The following TRIM67 variants were observed in gnomAD, a reference collection of about 807,000 sequenced individuals.
TRIM67 encodes the protein tripartite motif containing 67, also known as tripartite motif-containing protein 67.
TRIM67 carries 39 observed loss-of-function variants against 71.0 expected under a neutral mutation model. The ratio of observed to expected loss-of-function variants is 0.55; its 90% CI spans 0.43 to 0.72. The LOEUF (loss-of-function observed/expected upper bound fraction) is 0.72. TRIM67 is among the 30% of genes least tolerant of loss of function. TRIM67 has a pLI of 0.00. For missense variants in TRIM67, 973 were observed against 1,079.2 expected, an observed-to-expected ratio of 0.90 and a Z score of 1.38; for synonymous variants, 481 against 473.9, an observed-to-expected ratio of 1.01 and a Z score of -0.19.
At chr1:231,177,607 G>A (rs1291359492) in intron 1 of TRIM67, among the ~76,000 whole-genome samples, 1 of 152,182 alleles carries the variant, frequency 6.6e-6, no homozygotes, top group Non-Finnish European at 1.5e-5. Flanking sequence ...CCTGCCAAAT[G>A]GGATATTCTT....
Position 231,217,618 on chromosome 1 carries a change from C to G in TRIM67, c.*2178C>G. 1 of 1,122,106 alleles carries G rather than the reference C, an allele frequency of 8.9e-7. No homozygotes were observed. 69.5% of individuals were successfully genotyped at this position (1,122,106 alleles called of 1,614,324 possible). On this transcript the variant is annotated 3_prime_UTR_variant, in exon 10 of 10. Coordinates refer to ENST00000366653, the MANE Select transcript of TRIM67 (RefSeq NM_001004342.5). Reference sequence around the variant, plus strand: ...AAAAAACAGGCCTACACCCTGCCCCCAGAATGAGAGTGGGCTAGGCAGGGC... The same window carrying G: ...AAAAAACAGGCCTACACCCTGCCCCGAGAATGAGAGTGGGCTAGGCAGGGC...
Position 231,164,020 on chromosome 1 carries a change from C to T in TRIM67, c.1044+7C>T. 1 of 1,502,910 alleles carries T rather than the reference C, an allele frequency of 6.7e-7. No individual in the cohort carries two copies. Among genetic ancestry groups the T allele is most frequent in the African/African-American group, 1.4e-5 (1 of 71,428 alleles). 93.1% of individuals were successfully genotyped at this position (1,502,910 alleles called of 1,614,324 possible). The stretch of plus-strand genomic sequence containing the variant: ...CATGTGGAAGCAGCACAAGGTGAGC[C>T]CGCGGGACGCGGGAGTGCAGGTGCC... On this transcript the variant is annotated splice_region_variant and intron_variant, in intron 1 of 9. Coordinates refer to ENST00000366653, the MANE Select transcript of TRIM67 (RefSeq NM_001004342.5).
chr1:231,192,531 T>A (rs1683258384), intron 1 of TRIM67, among the ~76,000 whole-genome samples: 1 of 152,234 alleles, frequency 6.6e-6, no homozygotes, highest in Non-Finnish European at 1.5e-5. Context: ...AAACCTTTGC[T>A]CTTTTTCCAC....
At chr1:231,166,968 GGTT>G (rs1374446883) in intron 1 of TRIM67, among the ~76,000 whole-genome samples, 2 of 152,022 alleles carry the variant, frequency 1.3e-5, no homozygotes, top group Non-Finnish European at 2.9e-5. Flanking sequence ...TGGAGAAAAG[GGTT>G]ACTGTGTACC....
intron 1 of TRIM67, among the ~76,000 whole-genome samples, chr1:231,192,067 G>T (rs185305024): frequency 1.3e-5 from 2 of 152,098 alleles, no homozygotes; most frequent in Non-Finnish European, 2.9e-5. Context: ...CCAGTGCTTC[G>T]GGAGGCTGAG....
chr1:231,168,420 T>G (rs1457862594), intron 1 of TRIM67, among the ~76,000 whole-genome samples: 1 of 152,268 alleles, frequency 6.6e-6, no homozygotes, highest in Non-Finnish European at 1.5e-5. Flanking sequence ...CCTACACTTT[T>G]AATTATCTCC....
chr1:231,194,923 T>A (rs1415492337), intron 1 of TRIM67, among the ~76,000 whole-genome samples: 1 of 151,370 alleles, frequency 6.6e-6, no homozygotes, highest in African/African-American at 2.4e-5. Context: ...GGCAGGGAGG[T>A]CTCTCTATGT....
chr1:231,179,764 A>C (rs1170246345), intron 1 of TRIM67, among the ~76,000 whole-genome samples: 1 of 152,238 alleles, frequency 6.6e-6, no homozygotes, highest in Non-Finnish European at 1.5e-5. Flanking sequence ...TACTCTGTGA[A>C]CATATTCAGC....
At chr1:231,214,778 CAAAAAAAAAAAA>C (rs748778482) in intron 9 of TRIM67, among the ~76,000 whole-genome samples, 4 of 43,930 alleles carry the variant, frequency 9.1e-5, no homozygotes, top group South Asian at 7.8e-4. Flanking sequence ...GACTTCATCT[CAAAAAAAAAAAA>C]AAAAAAAAAA....
At chr1:231,190,392 G>C (rs1488328861) in intron 1 of TRIM67, among the ~76,000 whole-genome samples, 2 of 152,150 alleles carry the variant, frequency 1.3e-5, no homozygotes, top group Non-Finnish European at 2.9e-5. Context: ...GGAGCTGCAG[G>C]GACAGGAGCT....
Position 231,213,890 on chromosome 1 carries a change from C to T in TRIM67, c.2199C>T (p.Phe733=), listed in dbSNP as rs375268373. The T allele has an allele frequency of 2.5e-5, 41 of 1,613,774 alleles. No homozygotes were observed. The African/African-American group carries it at 4.3e-4, about 17-fold the overall frequency. The change falls in exon 9 of 10, where the codon TTC becomes TTT. Residue 733 remains phenylalanine, a synonymous_variant. Coordinates refer to ENST00000366653, the MANE Select transcript of TRIM67 (RefSeq NM_001004342.5). ...TGAATAAGCACACTCTCACCTTCTTCATCAACGGGCAGCAGCAGGGCCCCA... is the reference window on the plus strand; with the variant it reads ...TGAATAAGCACACTCTCACCTTCTTTATCAACGGGCAGCAGCAGGGCCCCA... ...LDLNKHTLTF[F]INGQQQGPTA...
chr1:231,216,597 C>T lies in TRIM67; in HGVS notation c.*1157C>T, dbSNP rs563097925. The T allele has an allele frequency of 5.1e-6, 5 of 985,538 alleles. No homozygotes were observed. Among genetic ancestry groups the T allele is most frequent in the Middle Eastern group, 5.2e-4 (1 of 1,914 alleles). The allele number at this position is 985,538 out of a possible 1,614,324, so 61.0% of individuals were successfully genotyped here. On this transcript the variant is annotated 3_prime_UTR_variant, in exon 10 of 10. Coordinates refer to ENST00000366653, the MANE Select transcript of TRIM67 (RefSeq NM_001004342.5). ...AACACAAGTGGCCCCTGTGGCAGGC[C>T]GGGACGGCTCTGCCCTGATGCAGTG...
chr1:231,214,090 C>G (rs1683945329), intron 9 of TRIM67, 113 bp downstream of exon 9: 21 of 1,282,074 alleles, frequency 1.6e-5, no homozygotes, highest in Non-Finnish European at 2.1e-5. Context: ...ACAGAGCCTT[C>G]CCAGACAGAG....
At chr1:231,169,991 C>CTTTTTTTTTTT (rs1342320930) in intron 1 of TRIM67, among the ~76,000 whole-genome samples, 11 of 130,242 alleles carry the variant, frequency 8.4e-5, no homozygotes, top group Admixed American at 2.9e-4. Context: ...TTTTCTTTCT[C>CTTTTTTTTTTT]TCTTTTTTTT....
At position 231,163,535 on chromosome 1, in the gene TRIM67, A is replaced by G; in HGVS notation, c.566A>G (p.Tyr189Cys). ...NRLLEAIVQR[Y>C]QQGRGAVPGT... Reference sequence around the variant, plus strand: ...CTGCTCGAGGCCATCGTGCAGCGGTACCAGCAGGGCCGCGGGGCCGTGCCG... The same window carrying G: ...CTGCTCGAGGCCATCGTGCAGCGGTGCCAGCAGGGCCGCGGGGCCGTGCCG... The change falls in exon 1 of 10, where the codon TAC becomes TGC. Residue 189 changes from tyrosine to cysteine, a missense_variant. Tyr to Cys is a radical substitution (Grantham distance 194). This residue lies in a region of TRIM67 where 795 missense variants were observed against 831.3 expected (regional missense o/e 0.96). Transcript: ENST00000366653. 6.6e-7 allele frequency: 1 copy of G among 1,515,570 alleles called. No homozygotes were observed. Among genetic ancestry groups the G allele is most frequent in the South Asian group, 1.2e-5 (1 of 81,394 alleles). 93.9% of individuals were successfully genotyped at this position (1,515,570 alleles called of 1,614,324 possible).
At chr1:231,204,439 T>C (rs1470088463) in intron 6 of TRIM67, among the ~76,000 whole-genome samples, 4 of 152,204 alleles carry the variant, frequency 2.6e-5, no homozygotes, top group African/African-American at 4.8e-5. Flanking sequence ...GTGCTGGGCA[T>C]ATAGAGGATG....
intron 1 of TRIM67, among the ~76,000 whole-genome samples, chr1:231,188,863 G>C (rs983000158): frequency 1.3e-5 from 2 of 152,196 alleles, no homozygotes; most frequent in Admixed American, 1.3e-4. Context: ...CTCAGGAGAG[G>C]AGAGGCCATC....
At chr1:231,212,059 C>A (rs936468593) in intron 8 of TRIM67, among the ~76,000 whole-genome samples, 1 of 152,178 alleles carries the variant, frequency 6.6e-6, no homozygotes, top group African/African-American at 2.4e-5. Flanking sequence ...AAAATTCTCT[C>A]GGCCACGAGT....
At chr1:231,174,828 CA>C (rs1386297525) in intron 1 of TRIM67, among the ~76,000 whole-genome samples, 1 of 152,138 alleles carries the variant, frequency 6.6e-6, no homozygotes, top group Non-Finnish European at 1.5e-5. Flanking sequence ...TAAACCCTTG[CA>C]AACTGCCTTA....
Sources: gnomAD v4.1 joint callset for allele counts (sites outside exome capture counted in the v4.1 genomes callset) on GRCh38, gnomAD v4.1.1 for gene constraint, gnomAD v4.1.1 regional missense constraint, MANE v1.5 for transcripts, NCBI Gene and HGNC (gene_info 2026-07-23, HGNC 2026-07-21) for gene names.